Variants in ARMH3 observed in about 807,000 individuals in gnomAD.
The protein encoded by ARMH3 is armadillo like helical domain containing 3, also known as armadillo-like helical domain-containing protein 3.
ARMH3 carries 60 observed loss-of-function variants against 99.1 expected under a neutral mutation model. The ratio of observed to expected loss-of-function variants is 0.61; its 90% CI spans 0.49 to 0.75. The LOEUF (loss-of-function observed/expected upper bound fraction) is 0.75. Ranked by LOEUF, ARMH3 falls within the 30% of genes least tolerant of loss-of-function variation. The pLI is 0.00. For missense variants in ARMH3, 679 were observed against 843.1 expected (o/e 0.81, Z 2.41); for synonymous variants, 285 against 292.8 (o/e 0.97, Z 0.27).
chr10:101,855,184 C>T, intron 24 of ARMH3, among the ~76,000 whole-genome samples: 1 of 130,212 alleles, frequency 7.7e-6, no homozygotes, highest in African/African-American at 2.9e-5. Context: ...TCTCCTGCCT[C>T]AGCCTCCCAA....
In ARMH3 at chr10:102,040,063, T is replaced by G; in HGVS notation, c.52A>C (p.Lys18Gln). The G allele has an allele frequency of 1.2e-6, 2 of 1,614,242 alleles. No homozygotes were observed. Among genetic ancestry groups the G allele is most frequent in the Non-Finnish European group, 1.7e-6 (2 of 1,180,034 alleles). The change falls in exon 2 of 26, where the codon AAA (lysine) becomes CAA (glutamine). Residue 18 changes from lysine (K) to glutamine (Q), a missense_variant. This residue lies in a region of ARMH3 where 280 missense variants were observed against 354.6 expected (regional missense o/e 0.79). Coordinates refer to ENST00000370033, the MANE Select transcript of ARMH3 (RefSeq NM_024541.3). Reference sequence around the variant, plus strand: ...ACCACTTTTTCCTTCAGTGGTTTTTTGGAGGCTGAAGATTTCCGGAGCAAA... The same window carrying G: ...ACCACTTTTTCCTTCAGTGGTTTTTGGGAGGCTGAAGATTTCCGGAGCAAA... Reference protein sequence around the residue: ...GGLLRKSSASKKPLKEKVVLM... With the variant: ...GGLLRKSSASQKPLKEKVVLM...
At chr10:102,003,372 G>A (rs1232400324) in intron 14 of ARMH3, among the ~76,000 whole-genome samples, 1 of 152,088 alleles carries the variant, frequency 6.6e-6, no homozygotes, top group African/African-American at 2.4e-5. Flanking sequence ...ATGTTGGCCA[G>A]GCTGGTCTTG....
At chr10:102,046,787 C>G (rs867942866) in intron 1 of ARMH3, among the ~76,000 whole-genome samples, 1 of 152,130 alleles carries the variant, frequency 6.6e-6, no homozygotes, top group African/African-American at 2.4e-5. Context: ...GAGGAATGAG[C>G]AGGAGCAGAG....
At chr10:102,006,733 ATTTTT>A (rs879788123) in intron 13 of ARMH3, 100 bp from the exon 14 acceptor site, 1 of 808,704 alleles carries the variant, frequency 1.2e-6, no homozygotes, top group Non-Finnish European at 1.7e-6. Context: ...GGACCTTATA[ATTTTT>A]TTTTTTTGAG....
intron 23 of ARMH3, among the ~76,000 whole-genome samples, chr10:101,896,224 T>A (rs542837734): frequency 4.0e-5 from 6 of 149,566 alleles, no homozygotes; most frequent in Non-Finnish European, 7.5e-5. Context: ...GCACAGACCC[T>A]GTCTCAAAAA....
intron 8 of ARMH3, among the ~76,000 whole-genome samples, chr10:102,017,909 T>C (rs1295500236): frequency 6.6e-6 from 1 of 152,144 alleles, no homozygotes; most frequent in African/African-American, 2.4e-5. Context: ...AAGAATAAGC[T>C]CCAGATTTTG....
intron 23 of ARMH3, among the ~76,000 whole-genome samples, chr10:101,909,619 G>A (rs1437317267): frequency 6.6e-6 from 1 of 151,868 alleles, no homozygotes; most frequent in South Asian, 2.1e-4. Flanking sequence ...ACAGGCGCGT[G>A]CCACCAGGCC....
At chr10:101,849,656 C>T in intron 25 of ARMH3, 120 bp downstream of exon 25, 2 of 770,748 alleles carry the variant, frequency 2.6e-6, no homozygotes, top group South Asian at 1.7e-5. Flanking sequence ...AAGTTGCATA[C>T]CCCATCCCAG....
At chr10:101,874,000 C>T (rs1267205197) in intron 24 of ARMH3, among the ~76,000 whole-genome samples, 1 of 151,896 alleles carries the variant, frequency 6.6e-6, no homozygotes, top group African/African-American at 2.4e-5. Flanking sequence ...GAGTAAACAC[C>T]CAAGGAGTGT....
At chr10:101,959,946 G>A (rs1335988480) in intron 20 of ARMH3, among the ~76,000 whole-genome samples, 2 of 152,220 alleles carry the variant, frequency 1.3e-5, no homozygotes, top group Admixed American at 6.5e-5. Flanking sequence ...GGGAGGCTAA[G>A]GCAGGCAGAT....
At chr10:101,973,372 A>G (rs934639609) in intron 20 of ARMH3, among the ~76,000 whole-genome samples, 4 of 151,962 alleles carry the variant, frequency 2.6e-5, no homozygotes, top group Admixed American at 6.6e-5. Context: ...AAAAAAAAAA[A>G]AAAAAAGAAA....
intron 4 of ARMH3, 119 bp downstream of exon 4, chr10:102,032,907 C>A: frequency 8.6e-7 from 1 of 1,159,936 alleles, no homozygotes; most frequent in Non-Finnish European, 1.2e-6. Context: ...TGGTAACTTA[C>A]AGAAATAAAA....
chr10:101,927,109 G>A (rs1273016856), intron 23 of ARMH3, among the ~76,000 whole-genome samples: 1 of 152,020 alleles, frequency 6.6e-6, no homozygotes, highest in Admixed American at 6.6e-5. Context: ...AATAACATAT[G>A]GTAGGTCCTG....
rs764017204 is a variant in ARMH3 at position 102,014,007 on chromosome 10, A to G, written c.687T>C (p.Ile229=). The G allele has an allele frequency of 3.1e-6, 5 of 1,611,646 alleles. No individual in the cohort carries two copies. The highest frequency in any genetic ancestry group is 3.4e-6 in the Non-Finnish European group (4 of 1,178,696). ...YRKYESVNPY[I]VKLSIVDDEA... ...CATCATCCACGATAGACAGCTTCAC[A>G]ATATAAGGATTCACAGACTGTTAAA... is the stretch of plus-strand genomic sequence containing the variant. Residue 229 remains isoleucine (I), a synonymous_variant, in exon 9 of 26, where the codon ATT becomes ATC. Coordinates refer to ENST00000370033, the MANE Select transcript of ARMH3 (RefSeq NM_024541.3).
chr10:101,964,977 ACTCCCACCTGGGTGACAGAG>A (rs1377099055), intron 20 of ARMH3, among the ~76,000 whole-genome samples: 2 of 151,986 alleles, frequency 1.3e-5, no homozygotes, highest in Non-Finnish European at 2.9e-5. Context: ...GCACCACTGC[ACTCCCACCTGGGTGACAGAG>A]TGAGACTCCA....
intron 16 of ARMH3, 138 bp downstream of exon 16, chr10:101,995,159 A>G (rs1590153460): frequency 2.7e-6 from 2 of 732,754 alleles, no homozygotes; most frequent in East Asian, 5.0e-5. Flanking sequence ...GAGAAGACAG[A>G]TAATACAAAG....
intron 23 of ARMH3, among the ~76,000 whole-genome samples, chr10:101,911,267 C>T (rs1352846401): frequency 1.3e-5 from 2 of 152,138 alleles, no homozygotes; most frequent in African/African-American, 4.8e-5. Context: ...TCAATGGGTG[C>T]CAGGCTGCAA....
rs1441234584 is a variant in ARMH3 at position 102,029,704 on chromosome 10, C to T, written c.348G>A (p.Lys116=). The part of the protein sequence containing the change: ...ALIRGVHQKN[K]STSGFDIINM... ...TGATAATGTCAAACCCAGAGGTAGA[C>T]TTATTCTTTTGATGGACTCCTCGAA... The change falls in exon 5 of 26, where the codon AAG becomes AAA. Residue 116 remains lysine (K), a synonymous_variant. Transcript: ENST00000370033. 13 of 1,614,136 alleles carry T rather than the reference C, an allele frequency of 8.1e-6. No homozygotes were observed. The highest frequency in any genetic ancestry group is 8.5e-6 in the Non-Finnish European group (10 of 1,180,026).
intron 1 of ARMH3, among the ~76,000 whole-genome samples, chr10:102,051,474 GAAA>G (rs771899987): frequency 7.7e-6 from 1 of 129,650 alleles, no homozygotes. Flanking sequence ...CTCCATTTCG[GAAA>G]AAAAAAAAAA....
Sources: allele counts gnomAD v4.1 joint callset (sites outside exome capture counted in the v4.1 genomes callset), GRCh38; gene constraint gnomAD v4.1.1; regional missense constraint gnomAD v4.1.1; transcripts MANE v1.5; gene names NCBI Gene and HGNC (gene_info 2026-07-23, HGNC 2026-07-21).